SPAG16: variants seen among roughly 807,000 people sequenced by gnomAD.
The protein encoded by SPAG16 is sperm associated antigen 16.
A neutral mutation model predicts 80.4 loss-of-function variants in SPAG16; 86 were observed. The observed-to-expected ratio is 1.07, with a 90% CI of 0.90 to 1.28. The LOEUF is 1.28. SPAG16 is among the 50% of genes most tolerant of loss of function. The pLI is 0.00. For missense variants in SPAG16, 870 were observed against 765.3 expected (o/e 1.14, Z -1.61); for synonymous variants, 294 against 265.9 (o/e 1.11, Z -1.03).
At chr2:214,027,084 C>T (rs1414949809) in intron 13 of SPAG16, among the ~76,000 whole-genome samples, 2 of 151,430 alleles carry the variant, frequency 1.3e-5, no homozygotes, top group Non-Finnish European at 3.0e-5. Flanking sequence ...AAGTAAAACA[C>T]TATTCAGTGT....
At chr2:213,323,675 C>T (rs1249522021) in intron 5 of SPAG16, among the ~76,000 whole-genome samples, 1 of 152,132 alleles carries the variant, frequency 6.6e-6, no homozygotes, top group African/African-American at 2.4e-5. Context: ...TATTAGCACT[C>T]CTGTGTTCAT....
At chr2:213,905,254 AT>A (rs994087987) in intron 11 of SPAG16, among the ~76,000 whole-genome samples, 2 of 152,212 alleles carry the variant, frequency 1.3e-5, no homozygotes, top group African/African-American at 4.8e-5. Flanking sequence ...CCAAAAAAAA[AT>A]TATGTGGTTG....
At chr2:213,595,075 T>C (rs1043988602) in intron 10 of SPAG16, among the ~76,000 whole-genome samples, 1 of 151,916 alleles carries the variant, frequency 6.6e-6, no homozygotes, top group African/African-American at 2.4e-5. Flanking sequence ...TAGCATTCAA[T>C]AGGTATACTA....
intron 11 of SPAG16, among the ~76,000 whole-genome samples, chr2:213,864,393 A>C (rs1351658327): frequency 1.3e-5 from 2 of 152,248 alleles, no homozygotes; most frequent in African/African-American, 4.8e-5. Context: ...TTCATCTATA[A>C]TTTAAAATCA....
chr2:213,822,518 T>C (rs1347223781), intron 10 of SPAG16, among the ~76,000 whole-genome samples: 1 of 152,210 alleles, frequency 6.6e-6, no homozygotes, highest in Non-Finnish European at 1.5e-5. Context: ...TTTACTGTGT[T>C]GAAACCTTTA....
At chr2:213,819,185 T>G (rs1227611791) in intron 10 of SPAG16, among the ~76,000 whole-genome samples, 1 of 152,206 alleles carries the variant, frequency 6.6e-6, no homozygotes, top group Non-Finnish European at 1.5e-5. Flanking sequence ...GATTCCTTAT[T>G]TAAGCAGGCC....
chr2:214,123,704 G>A (rs147063554), intron 14 of SPAG16, among the ~76,000 whole-genome samples: 10 of 151,978 alleles, frequency 6.6e-5, no homozygotes, highest in African/African-American at 2.2e-4. Context: ...TGAGAGTTGG[G>A]GCTTAAAATG....
intron 15 of SPAG16, among the ~76,000 whole-genome samples, chr2:214,362,010 G>A (rs1912201): frequency 0.69 from 103,883 of 151,418 alleles, 39,997 homozygotes; most frequent in South Asian, 0.87. Context: ...TGGAGAGAAG[G>A]ATTATCAGTC....
intron 15 of SPAG16, among the ~76,000 whole-genome samples, chr2:214,266,569 A>G (rs1222810015): frequency 6.6e-6 from 1 of 151,900 alleles, no homozygotes; most frequent in Admixed American, 6.6e-5. Context: ...TCTGTTCAAC[A>G]TAATACTGAA....
chr2:214,053,385 CG>C lies in SPAG16; in HGVS notation c.1527+39309del, dbSNP rs2049764535. ...GCTTAATAAGGCCTGAAAGCAAAGA[CG>C]TTTTTTAGATGAGAATGGGTATGAC... On this transcript the variant is annotated intron_variant, in intron 13 of 15. Transcript: ENST00000331683. Among the ~76,000 whole-genome samples the C allele has an allele frequency of 2.0e-5, 3 of 152,104 alleles. No homozygotes were observed. In the South Asian group the frequency reaches 6.2e-4, roughly 32 times the overall value.
chr2:213,555,955 G>A (rs886427832), intron 10 of SPAG16, among the ~76,000 whole-genome samples: 3 of 152,004 alleles, frequency 2.0e-5, no homozygotes, highest in South Asian at 2.1e-4. Context: ...AAAATGGGGG[G>A]TGGAATGAAA....
At chr2:213,899,566 C>G (rs1452575484) in intron 11 of SPAG16, among the ~76,000 whole-genome samples, 1 of 152,050 alleles carries the variant, frequency 6.6e-6, no homozygotes, top group African/African-American at 2.4e-5. Flanking sequence ...TGATACATGA[C>G]ACATGAATTC....
At chr2:214,135,311 A>T (rs1348908095) in intron 14 of SPAG16, among the ~76,000 whole-genome samples, 1 of 152,028 alleles carries the variant, frequency 6.6e-6, no homozygotes, top group Admixed American at 6.6e-5. Context: ...CATTGTCTTT[A>T]TTTCTAGTTA....
chr2:213,667,273 T>A (rs2063642466), intron 10 of SPAG16, among the ~76,000 whole-genome samples: 1 of 152,144 alleles, frequency 6.6e-6, no homozygotes, highest in Non-Finnish European at 1.5e-5. Flanking sequence ...ATAAAATAGA[T>A]CACTAGGAAA....
intron 10 of SPAG16, among the ~76,000 whole-genome samples, chr2:213,802,621 A>G (rs1163810624): frequency 2.6e-5 from 4 of 152,226 alleles, no homozygotes; most frequent in African/African-American, 7.2e-5. Context: ...AAATGCTTTT[A>G]ATATTGTACC....
chr2:213,711,323 T>C (rs929422970), intron 10 of SPAG16, among the ~76,000 whole-genome samples: 2 of 152,070 alleles, frequency 1.3e-5, no homozygotes, highest in African/African-American at 4.8e-5. Flanking sequence ...TATCAATATC[T>C]AAAGATCATT....
chr2:213,603,690 A>G (rs181216879), intron 10 of SPAG16, among the ~76,000 whole-genome samples: 129 of 152,304 alleles, frequency 8.5e-4, no homozygotes, highest in Non-Finnish European at 1.5e-3. Flanking sequence ...GACTAAATGG[A>G]TGAGATCTAT....
At chr2:214,354,172 T>G (rs1281715942) in intron 15 of SPAG16, among the ~76,000 whole-genome samples, 3 of 152,194 alleles carry the variant, frequency 2.0e-5, no homozygotes, top group Non-Finnish European at 4.4e-5. Context: ...TATACATTTT[T>G]GTATAAGGTG....
chr2:213,293,576 G>A (rs539537501), intron 1 of SPAG16, among the ~76,000 whole-genome samples: 28 of 152,296 alleles, frequency 1.8e-4, no homozygotes, highest in African/African-American at 6.5e-4. Context: ...GAAGAACTGA[G>A]GTCTTCTGGG....
Sources: gnomAD v4.1 joint callset for allele counts (sites outside exome capture counted in the v4.1 genomes callset) on GRCh38, gnomAD v4.1.1 for gene constraint, MANE v1.5 for transcripts, NCBI Gene and HGNC (gene_info 2026-07-23, HGNC 2026-07-21) for gene names.